The following ME1 variants were observed in gnomAD, a reference collection of about 807,000 sequenced individuals.
ME1 encodes the protein malic enzyme 1, also known as NADP-dependent malic enzyme.
Under a neutral mutation model 66.4 loss-of-function variants are expected in ME1, and 74 were observed. The observed-to-expected ratio is 1.11, with a 90% confidence interval of 0.92 to 1.35. The LOEUF (loss-of-function observed/expected upper bound fraction) is 1.35, where lower values mean the gene tolerates loss of function less well. Ranked by LOEUF, ME1 falls within the 40% of genes most tolerant of loss-of-function variation. The pLI, the probability that ME1 is intolerant of heterozygous loss-of-function variation, is 0.00. For missense variants in ME1, 750 were observed against 694.1 expected (o/e 1.08, Z -0.90); for synonymous variants, 251 against 235.6 (o/e 1.07, Z -0.60).
intron 13 of ME1, among the ~76,000 whole-genome samples, chr6:83,215,862 G>A (rs1789982465): frequency 6.6e-6 from 1 of 152,144 alleles, no homozygotes; most frequent in African/African-American, 2.4e-5. Flanking sequence ...ACATAACCGT[G>A]GTATGTAGTT....
At chr6:83,325,790 C>A (rs1311276573) in intron 5 of ME1, among the ~76,000 whole-genome samples, 1 of 151,870 alleles carries the variant, frequency 6.6e-6, no homozygotes, top group Non-Finnish European at 1.5e-5. Flanking sequence ...ACCATAGGGC[C>A]CAAAGTAATT....
intron 9 of ME1, among the ~76,000 whole-genome samples, chr6:83,236,446 C>T (rs1336551884): frequency 5.9e-5 from 9 of 152,064 alleles, no homozygotes; most frequent in African/African-American, 1.7e-4. Context: ...TACTAAATTC[C>T]GGAAGACACT....
chr6:83,392,130 G>A (rs535194968), intron 3 of ME1, among the ~76,000 whole-genome samples: 1 of 152,268 alleles, frequency 6.6e-6, no homozygotes, highest in South Asian at 2.1e-4. Flanking sequence ...CCATTCAACA[G>A]ACAGCTGCAT....
chr6:83,259,252 C>A (rs1437123897), intron 6 of ME1, among the ~76,000 whole-genome samples: 1 of 152,104 alleles, frequency 6.6e-6, no homozygotes, highest in Non-Finnish European at 1.5e-5. Context: ...CTTGAGAGTG[C>A]TCAATGAATT....
At chr6:83,271,683 AG>A (rs1380961449) in intron 6 of ME1, among the ~76,000 whole-genome samples, 1 of 152,180 alleles carries the variant, frequency 6.6e-6, no homozygotes, top group Non-Finnish European at 1.5e-5. Context: ...TTGGCAATAA[AG>A]GCGAATACAG....
At chr6:83,378,298 G>T (rs1769332415) in intron 3 of ME1, among the ~76,000 whole-genome samples, 1 of 152,040 alleles carries the variant, frequency 6.6e-6, no homozygotes, top group Non-Finnish European at 1.5e-5. Flanking sequence ...AACTGAATTA[G>T]TTCTCAATTC....
intron 5 of ME1, among the ~76,000 whole-genome samples, chr6:83,332,528 T>G (rs531660937): frequency 6.6e-6 from 1 of 152,120 alleles, no homozygotes; most frequent in African/African-American, 2.4e-5. Flanking sequence ...AACCAATGAG[T>G]GGATAAAGAA....
chr6:83,238,349 G>T (rs1416492703), intron 8 of ME1, among the ~76,000 whole-genome samples: 1 of 152,134 alleles, frequency 6.6e-6, no homozygotes, highest in Non-Finnish European at 1.5e-5. Flanking sequence ...AACTTCCTTG[G>T]TATTTGGTAA....
At chr6:83,232,417 G>T (rs1021293678) in intron 9 of ME1, among the ~76,000 whole-genome samples, 1 of 152,132 alleles carries the variant, frequency 6.6e-6, no homozygotes. Context: ...ATAGTAAGGG[G>T]CATGGAGTGT....
intron 2 of ME1, among the ~76,000 whole-genome samples, chr6:83,399,140 G>A (rs1175811303): frequency 1.7e-4 from 26 of 151,606 alleles, no homozygotes; most frequent in South Asian, 6.3e-4. Context: ...GACTACAGGC[G>A]TGCACCAACA....
chr6:83,269,076 G>A (rs115808321), intron 6 of ME1, among the ~76,000 whole-genome samples: 2,051 of 152,156 alleles, frequency 0.013, 44 homozygotes, highest in African/African-American at 0.046. Flanking sequence ...ATATTTATTG[G>A]TCCTTTCCTT....
rs147687905 is a variant in ME1 at position 83,223,930 on chromosome 6, G to A, written c.1279C>T (p.Arg427Cys). Reference protein sequence around the residue: ...AEQCYKITKGRAIFASGSPFD... With the variant: ...AEQCYKITKGCAIFASGSPFD... ...GGACTGCCACTGGCAAAAATTGCAC[G>A]TCCCTACAACAAAGACACATACAAC... The change falls in exon 12 of 14, where the codon CGT (arginine) becomes TGT (cysteine). Residue 427 changes from arginine to cysteine, a missense_variant. Coordinates refer to ENST00000369705, the MANE Select transcript of ME1 (RefSeq NM_002395.6). 4.4e-4 allele frequency: 703 copies of A among 1,613,406 alleles called. 3 individuals carry two copies. The highest frequency in any genetic ancestry group is 3.3e-3 in the South Asian group (297 of 90,992).
rs1303881697 is a variant in ME1, at chr6:83,266,558, TC to T, written c.705-12821del. On this transcript the variant is annotated intron_variant, in intron 6 of 13. Transcript: ENST00000369705. ...TACTAATTAAATGCCAGTATTATTG[TC>T]TAACACTAATCAAAATTAAATACTA... 2.0e-5 allele frequency among the ~76,000 whole-genome samples: 3 copies of T among 152,224 alleles called. No homozygotes were observed. The East Asian group carries it at 5.8e-4, about 29-fold the overall frequency.
intron 6 of ME1, 32 bp from the exon 7 acceptor site, chr6:83,253,770 G>A: frequency 9.3e-7 from 1 of 1,076,178 alleles, no homozygotes; most frequent in Non-Finnish European, 1.4e-6. Flanking sequence ...ATTAGAAGAG[G>A]TTAATAAAAT....
chr6:83,241,302 A>G (rs1480384764), intron 7 of ME1, among the ~76,000 whole-genome samples: 1 of 152,170 alleles, frequency 6.6e-6, no homozygotes, highest in Non-Finnish European at 1.5e-5. Context: ...TCCAACTCTG[A>G]GATTCTATGA....
chr6:83,407,961 G>T, intron 1 of ME1, 60 bp from the exon 2 acceptor site: 1 of 1,494,454 alleles, frequency 6.7e-7, no homozygotes, highest in Non-Finnish European at 8.9e-7. Context: ...TAGACAAAAA[G>T]CATACATATA....
intron 3 of ME1, among the ~76,000 whole-genome samples, chr6:83,380,387 A>G (rs1769373903): frequency 6.6e-6 from 1 of 152,096 alleles, no homozygotes; most frequent in Non-Finnish European, 1.5e-5. Context: ...TATTTTAGTC[A>G]GGAGAATGAC....
chr6:83,262,808 G>C (rs112141621), intron 6 of ME1, among the ~76,000 whole-genome samples: 1 of 152,110 alleles, frequency 6.6e-6, no homozygotes, highest in South Asian at 2.1e-4. Flanking sequence ...AGCCACGTAC[G>C]GTAGAGCAGA....
intron 7 of ME1, 71 bp downstream of exon 7, chr6:83,253,558 T>A: frequency 1.2e-6 from 1 of 800,552 alleles, no homozygotes; most frequent in Non-Finnish European, 2.2e-6. Context: ...TGATTGAATT[T>A]GAATCATTAT....
Sources: allele counts gnomAD v4.1 joint callset (sites outside exome capture counted in the v4.1 genomes callset), GRCh38; gene constraint gnomAD v4.1.1; transcripts MANE v1.5; gene names NCBI Gene and HGNC (gene_info 2026-07-23, HGNC 2026-07-21).